Variants in UNC79 observed in about 807,000 individuals in gnomAD.
UNC79 encodes unc-79 subunit of NALCN channel complex, also known as protein unc-79 homolog.
Under a neutral mutation model 283.1 loss-of-function variants are expected in UNC79, and 37 were observed. That is an observed-to-expected ratio of 0.13 (90% CI 0.10 to 0.17). UNC79 has a LOEUF of 0.17. Among genes scored for constraint, UNC79 ranks in the 10% least tolerant of loss-of-function variants. The pLI is 1.00. For synonymous variants in UNC79, 1,107 were observed against 1,200.2 expected, an observed-to-expected ratio of 0.92 and a Z score of 1.61; for missense variants, 2,272 against 3,211.1, an observed-to-expected ratio of 0.71 and a Z score of 7.07.
At chr14:93,446,336 C>A (rs986317034) in intron 1 of UNC79, among the ~76,000 whole-genome samples, 5 of 150,768 alleles carry the variant, frequency 3.3e-5, no homozygotes, top group Non-Finnish European at 7.4e-5. Context: ...TTAAAATATT[C>A]TCTAATTTAT....
At chr14:93,442,049 T>G (rs774085715) in intron 1 of UNC79, among the ~76,000 whole-genome samples, 3 of 152,182 alleles carry the variant, frequency 2.0e-5, no homozygotes, top group Non-Finnish European at 4.4e-5. Flanking sequence ...ATTTTAAATT[T>G]GTCACATCAT....
At chr14:93,419,224 A>G (rs1595453133) in intron 1 of UNC79, among the ~76,000 whole-genome samples, 1 of 148,620 alleles carries the variant, frequency 6.7e-6, no homozygotes, top group Non-Finnish European at 1.5e-5. Flanking sequence ...GCTGGAGTGC[A>G]GTGGTGCAAT....
chr14:93,666,504 T>G (rs1212051145), intron 40 of UNC79, among the ~76,000 whole-genome samples: 3 of 152,112 alleles, frequency 2.0e-5, no homozygotes, highest in African/African-American at 7.2e-5. Flanking sequence ...TTGAAAAGCA[T>G]TATTACAAAG....
chr14:93,617,834 G>A lies in UNC79; in HGVS notation c.4225-358G>A, dbSNP rs570416091. ...GAGGTGGGTAGGTTGCCTGACTCCGGGAGTTCGAGCCCAGCCTGAGCAACA... is the reference window on the plus strand; with the variant it reads ...GAGGTGGGTAGGTTGCCTGACTCCGAGAGTTCGAGCCCAGCCTGAGCAACA... On this transcript the variant is annotated intron_variant, in intron 28 of 48. Coordinates refer to ENST00000555664, the Ensembl canonical transcript of UNC79. The surrounding 1 kb of genome is among the most constrained non-coding windows in gnomAD (Gnocchi z 4.5). Among the ~76,000 whole-genome samples, 72 of 152,116 alleles carry A rather than the reference G, an allele frequency of 4.7e-4. No homozygotes were observed. The highest frequency in any genetic ancestry group is 3.5e-4 in the Non-Finnish European group (24 of 67,996).
chr14:93,488,444 T>TTTTTATTTTCATTTAGTGTTTTCATTTAG (rs1360512825), intron 5 of UNC79, among the ~76,000 whole-genome samples: 1 of 152,186 alleles, frequency 6.6e-6, no homozygotes, highest in African/African-American at 2.4e-5. Flanking sequence ...TGTAAACTCA[T>TTTTTATTTTCATTTAGTGTTTTCATTTAG]TTTTATTTTC....
Position 93,339,456 on chromosome 14 carries a change from C to T in UNC79, c.-351+5933C>T, listed in dbSNP as rs555371387. ...CTGGGACTACAGGTGCCTGCCACCA[C>T]GCCCGGCTAATTTTTTGTATTTTTA... On this transcript the variant is annotated intron_variant, in intron 1 of 49. Coordinates refer to the UNC79 transcript ENST00000256339. 2.5e-4 allele frequency among the ~76,000 whole-genome samples: 38 copies of T among 152,214 alleles called. No homozygotes were observed. In the South Asian group the frequency reaches 4.3e-3, roughly 17 times the overall value.
At chr14:93,522,335 T>TA in intron 7 of UNC79, among the ~76,000 whole-genome samples, 1 of 152,222 alleles carries the variant, frequency 6.6e-6, no homozygotes, top group East Asian at 1.9e-4. Context: ...TAGCAGATTT[T>TA]ATCTTGTGTG....
chr14:93,393,848 T>A (rs1329099622), intron 1 of UNC79, among the ~76,000 whole-genome samples: 3 of 152,236 alleles, frequency 2.0e-5, no homozygotes, highest in Non-Finnish European at 4.4e-5. Flanking sequence ...TCTCAATCCT[T>A]GGTTCTCTGC....
At position 93,690,763 on chromosome 14, in the gene UNC79, A is replaced by G; in HGVS notation, c.7272+460A>G. The G allele has an allele frequency of 6.2e-6, 1 of 162,356 alleles. No individual in the cohort carries two copies. The highest frequency in any genetic ancestry group is 1.7e-4 in the South Asian group (1 of 5,858). 10.1% of individuals were successfully genotyped at this position (162,356 alleles called of 1,614,324 possible). A position where few individuals can be genotyped will look rare whatever the true frequency, so the allele number is the denominator to read the frequency against. The stretch of plus-strand genomic sequence containing the variant: ...CAAGAAGGCCAGTTGGGAACTCACT[A>G]AAGCACACATTGGCATGACCTACAC... On this transcript the variant is annotated intron_variant, in intron 45 of 48. Transcript: ENST00000555664. This position sits in a 1 kb window ranked among gnomAD's most constrained non-coding sequence, Gnocchi z 4.3.
chr14:93,587,381 G>A (rs919089188), intron 22 of UNC79, among the ~76,000 whole-genome samples: 2 of 152,130 alleles, frequency 1.3e-5, no homozygotes, highest in African/African-American at 4.8e-5. Flanking sequence ...TAGATTTACA[G>A]CGTTTTTCCT....
At chr14:93,662,500 TAA>T in intron 39 of UNC79, 102 bp from the exon 43 acceptor site, 1 of 798,126 alleles carries the variant, frequency 1.3e-6, no homozygotes, top group Non-Finnish European at 1.9e-6. Context: ...AGTTTTCAAT[TAA>T]AAAAAAGTGA....
chr14:93,612,710 G>A lies in UNC79; in HGVS notation c.3755-87G>A. On this transcript the variant is annotated intron_variant, in intron 26 of 48. Coordinates refer to ENST00000555664, the Ensembl canonical transcript of UNC79. ...GAAAATTTTGTAGACGCAGAAACAAGGGTGCCTTATCAATATCTAAGAGAG... is the reference window on the plus strand; with the variant it reads ...GAAAATTTTGTAGACGCAGAAACAAAGGTGCCTTATCAATATCTAAGAGAG... 2.0e-6 allele frequency: 3 copies of A among 1,512,568 alleles called. No homozygotes were observed. The Admixed American group carries it at 6.3e-5, about 32-fold the overall frequency. The allele number at this position is 1,512,568 out of a possible 1,614,324, so 93.7% of individuals were successfully genotyped here.
chr14:93,402,300 G>T (rs796222456), intron 1 of UNC79, among the ~76,000 whole-genome samples: 3 of 115,716 alleles, frequency 2.6e-5, no homozygotes, highest in African/African-American at 3.2e-5. Flanking sequence ...AAAAAGAAAA[G>T]AAAAGAAAAA....
At chr14:93,397,761 A>ATT (rs35050949) in intron 1 of UNC79, among the ~76,000 whole-genome samples, 6,299 of 139,118 alleles carry the variant, frequency 0.045, 233 homozygotes, top group African/African-American at 0.088. Flanking sequence ...GGTTGGAGTC[A>ATT]TTTTTTTTTT....
At chr14:93,618,623 G>A (rs1388183503) in intron 29 of UNC79, among the ~76,000 whole-genome samples, 1 of 152,166 alleles carries the variant, frequency 6.6e-6, no homozygotes. Flanking sequence ...AGGAGCCTTT[G>A]TAAGCCTTTT....
At chr14:93,519,422 C>G (rs2060219472) in intron 7 of UNC79, among the ~76,000 whole-genome samples, 1 of 151,722 alleles carries the variant, frequency 6.6e-6, no homozygotes, top group South Asian at 2.1e-4. Context: ...TTTTCACAGG[C>G]AGCATACAAT....
intron 7 of UNC79, among the ~76,000 whole-genome samples, chr14:93,518,313 G>A (rs2060166226): frequency 6.6e-6 from 1 of 151,818 alleles, no homozygotes; most frequent in Non-Finnish European, 1.5e-5. Context: ...TTGAGTTATA[G>A]TGAGTTATTT....
chr14:93,657,540 A>G (rs1490578979), intron 38 of UNC79, among the ~76,000 whole-genome samples: 1 of 151,864 alleles, frequency 6.6e-6, no homozygotes, highest in East Asian at 1.9e-4. Flanking sequence ...TTTAGTAGAG[A>G]CGGGGTTTCA....
At chr14:93,471,168 G>A (rs542263133) in intron 2 of UNC79, among the ~76,000 whole-genome samples, 1 of 152,286 alleles carries the variant, frequency 6.6e-6, no homozygotes, top group South Asian at 2.1e-4. Flanking sequence ...AAGAATATAT[G>A]TATATATCCT....
Sources: gnomAD v4.1 joint callset for allele counts (sites outside exome capture counted in the v4.1 genomes callset) on GRCh38, gnomAD v4.1.1 for gene constraint, Gnocchi (gnomAD v3.1) non-coding constraint, MANE v1.5 for transcripts, NCBI Gene and HGNC (gene_info 2026-07-23, HGNC 2026-07-21) for gene names.